The following FHIP1A variants were observed in gnomAD, a reference collection of about 807,000 sequenced individuals.
FHIP1A encodes the protein FHF complex subunit HOOK interacting protein 1A.
A neutral mutation model predicts 88.6 loss-of-function variants in FHIP1A; 61 were observed. That is an observed-to-expected ratio of 0.69 (90% CI 0.56 to 0.85). FHIP1A has a LOEUF of 0.85. Among genes scored for constraint, FHIP1A ranks in the 40% least tolerant of loss-of-function variants. The pLI is 0.00. For missense variants in FHIP1A, 1,154 were observed against 1,273.5 expected, an observed-to-expected ratio of 0.91 and a Z score of 1.43; for synonymous variants, 478 against 496.0, an observed-to-expected ratio of 0.96 and a Z score of 0.48.
chr4:151,549,991 A>G (rs555072079), intron 3 of FHIP1A, among the ~76,000 whole-genome samples: 1 of 152,220 alleles, frequency 6.6e-6, no homozygotes, highest in Admixed American at 6.5e-5. Context: ...AAAATCTTTA[A>G]AAAGGGTTTA....
chr4:151,487,463 CTTTATAAAGTAGCA>C lies in FHIP1A; in HGVS notation c.-123+4817_-123+4830del, dbSNP rs549195084. ...TGCTCAGACATCACCTTAGCGTCCACTTTATAAAGTAGCATCCAACTCCCACAACTCTCTCCTAA... is the reference window on the plus strand; with the variant it reads ...TGCTCAGACATCACCTTAGCGTCCACTCCAACTCCCACAACTCTCTCCTAA... On this transcript the variant is annotated intron_variant, in intron 3 of 13. Transcript: ENST00000435205. 4.1e-3 allele frequency among the ~76,000 whole-genome samples: 618 copies of C among 152,274 alleles called. 3 individuals are homozygous for C. The highest frequency in any genetic ancestry group is 6.8e-3 in the Non-Finnish European group (465 of 68,020).
intron 1 of FHIP1A, among the ~76,000 whole-genome samples, chr4:151,445,307 C>T (rs998604275): frequency 1.3e-5 from 2 of 152,092 alleles, no homozygotes; most frequent in African/African-American, 4.8e-5. Context: ...ATGCCACTCT[C>T]TCAGCATATG....
intron 6 of FHIP1A, 87 bp from the exon 7 acceptor site, chr4:151,588,753 A>T: frequency 1.1e-6 from 1 of 871,914 alleles, no homozygotes; most frequent in Non-Finnish European, 1.9e-6. Flanking sequence ...TTCCTTTTTG[A>T]GTTCAGGATG....
intron 3 of FHIP1A, among the ~76,000 whole-genome samples, chr4:151,489,166 A>G (rs1193647407): frequency 6.6e-6 from 1 of 152,176 alleles, no homozygotes; most frequent in Non-Finnish European, 1.5e-5. Context: ...GAACCTGAAA[A>G]TCCTGAAAAT....
chr4:151,570,235 T>C (rs1484231634), intron 4 of FHIP1A, among the ~76,000 whole-genome samples: 1 of 152,176 alleles, frequency 6.6e-6, no homozygotes, highest in Non-Finnish European at 1.5e-5. Context: ...GCAGCGTCCA[T>C]CATGCTGTTT....
At chr4:151,521,165 T>G (rs1237676435) in intron 3 of FHIP1A, among the ~76,000 whole-genome samples, 1 of 152,208 alleles carries the variant, frequency 6.6e-6, no homozygotes, top group Non-Finnish European at 1.5e-5. Context: ...TACCACTGCA[T>G]GAAGTGTTTG....
Position 151,650,540 on chromosome 4 carries a change from G to A in FHIP1A, c.2499G>A (p.Glu833=), listed in dbSNP as rs922635946. 1.9e-6 allele frequency: 3 copies of A among 1,551,320 alleles called. No homozygotes were observed. The highest frequency in any genetic ancestry group is 2.7e-5 in the African/African-American group (2 of 73,050). The change falls in exon 11 of 14, where the codon GAG becomes GAA. Residue 833 remains glutamate, a synonymous_variant. Coordinates refer to ENST00000435205, the MANE Select transcript of FHIP1A (RefSeq NM_001109977.3). ...TVPSPFVGRD[E]AAFASRHPVR... is the part of the protein sequence containing the mutation. ...CTTCCCCATTTGTGGGGAGAGATGAGGCTGCCTTTGCCAGTCGCCATCCCG... is the reference window on the plus strand; with the variant it reads ...CTTCCCCATTTGTGGGGAGAGATGAAGCTGCCTTTGCCAGTCGCCATCCCG...
intron 1 of FHIP1A, among the ~76,000 whole-genome samples, chr4:151,451,841 G>C (rs1728801947): frequency 7.0e-6 from 1 of 142,522 alleles, no homozygotes. Context: ...TTTTGAAACA[G>C]GGTTTTGCTC....
intron 9 of FHIP1A, among the ~76,000 whole-genome samples, chr4:151,640,508 A>G (rs935933164): frequency 2.6e-5 from 4 of 152,236 alleles, no homozygotes; most frequent in African/African-American, 9.6e-5. Flanking sequence ...CTACTGATAT[A>G]TGACAGAATG....
At chr4:151,644,721 A>G (rs2126901005) in intron 9 of FHIP1A, among the ~76,000 whole-genome samples, 1 of 152,270 alleles carries the variant, frequency 6.6e-6, no homozygotes, top group South Asian at 2.1e-4. Flanking sequence ...AGCATCAGCC[A>G]TGGTCCTCTC....
At position 151,640,493 on chromosome 4, in the gene FHIP1A, A is replaced by G. The variant is rs547807043; in HGVS notation, c.1226+1737A>G. Among the ~76,000 whole-genome samples, 292 of 152,340 alleles carry G rather than the reference A, an allele frequency of 1.9e-3. 2 individuals carry two copies. Among genetic ancestry groups the G allele is most frequent in the African/African-American group, 6.7e-3 (279 of 41,564 alleles). On this transcript the variant is annotated intron_variant, in intron 9 of 13. Transcript: ENST00000435205. The stretch of plus-strand genomic sequence containing the variant: ...AAAGGATTATGTTAGCTCCTCATCA[A>G]GCCTCTACTGATATATGACAGAATG...
intron 1 of FHIP1A, among the ~76,000 whole-genome samples, chr4:151,433,818 T>G (rs886590512): frequency 6.6e-6 from 1 of 152,214 alleles, no homozygotes; most frequent in African/African-American, 2.4e-5. Context: ...CTCAATCTAC[T>G]ATGTCTCTTG....
At chr4:151,424,784 A>G (rs892492515) in intron 1 of FHIP1A, among the ~76,000 whole-genome samples, 1 of 149,770 alleles carries the variant, frequency 6.7e-6, no homozygotes, top group Non-Finnish European at 1.5e-5. Flanking sequence ...AGATGCTATC[A>G]AGCATTTGTC....
At chr4:151,515,040 A>G (rs1365414917) in intron 3 of FHIP1A, among the ~76,000 whole-genome samples, 2 of 152,068 alleles carry the variant, frequency 1.3e-5, no homozygotes, top group African/African-American at 4.8e-5. Flanking sequence ...ATGAACATTG[A>G]TGCAAAAATC....
intron 1 of FHIP1A, among the ~76,000 whole-genome samples, chr4:151,451,811 T>TCTTCTTTC (rs1021852377): frequency 3.3e-5 from 5 of 151,210 alleles, no homozygotes; most frequent in Non-Finnish European, 7.4e-5. Flanking sequence ...TCTTTCTTTT[T>TCTTCTTTC]TTTCTTTCTT....
chr4:151,544,960 G>A (rs1222989085), intron 3 of FHIP1A, among the ~76,000 whole-genome samples: 1 of 152,098 alleles, frequency 6.6e-6, no homozygotes, highest in East Asian at 1.9e-4. Context: ...CACCTGCAAA[G>A]CTACTTGGAG....
At chr4:151,545,498 C>T (rs952211819) in intron 3 of FHIP1A, among the ~76,000 whole-genome samples, 1 of 151,380 alleles carries the variant, frequency 6.6e-6, no homozygotes, top group Non-Finnish European at 1.5e-5. Flanking sequence ...CTGCCTCAGC[C>T]TCCCGAGTAG....
chr4:151,485,282 G>GTTTTTTTTTTTTTTTTTTTTTTT (rs74327398), intron 3 of FHIP1A, among the ~76,000 whole-genome samples: 13 of 118,724 alleles, frequency 1.1e-4, no homozygotes, highest in East Asian at 2.5e-4. Context: ...ATCTTTTCCA[G>GTTTTTTTTTTTTTTTTTTTTTTT]TTTTTTTTTT....
rs78099605 is a variant in FHIP1A at position 151,569,655 on chromosome 4, G to T, written c.105+3291G>T. On this transcript the variant is annotated intron_variant, in intron 4 of 13. Coordinates refer to ENST00000435205, the MANE Select transcript of FHIP1A (RefSeq NM_001109977.3). Reference sequence around the variant, plus strand: ...AATTCAACATAATTAACTTGTATTTGACAGGTTCTGTTCTGCTATTTGTTA... The same window carrying T: ...AATTCAACATAATTAACTTGTATTTTACAGGTTCTGTTCTGCTATTTGTTA... Among the ~76,000 whole-genome samples, 1,272 of 152,252 alleles carry T rather than the reference G, an allele frequency of 8.4e-3. 20 individuals carry two copies. Among genetic ancestry groups the T allele is most frequent in the African/African-American group, 0.03 (1,232 of 41,554 alleles).
Sources: allele counts gnomAD v4.1 joint callset (sites outside exome capture counted in the v4.1 genomes callset), GRCh38; gene constraint gnomAD v4.1.1; transcripts MANE v1.5; gene names NCBI Gene and HGNC (gene_info 2026-07-23, HGNC 2026-07-21).